The following KIRREL3 variants were observed in gnomAD, a reference collection of about 807,000 sequenced individuals.
The protein encoded by KIRREL3 is kirre like nephrin family adhesion molecule 3, also known as kin of IRRE-like protein 3.
KIRREL3 carries 36 observed loss-of-function variants against 89.7 expected under a neutral mutation model. The ratio of observed to expected loss-of-function variants is 0.40; its 90% confidence interval spans 0.31 to 0.53. The LOEUF (loss-of-function observed/expected upper bound fraction) is 0.53, where lower values mean the gene tolerates loss of function less well. KIRREL3 is among the 20% of genes least tolerant of loss of function. The probability of loss-of-function intolerance (pLI) is 0.49; values close to 1 mark genes in which losing one functional copy is unlikely to be tolerated. For missense variants in KIRREL3, 864 were observed against 1,056.6 expected (o/e 0.82, Z 2.53); for synonymous variants, 445 against 441.4 (o/e 1.01, Z -0.10).
At chr11:126,702,191 C>T (rs939167072) in intron 1 of KIRREL3, among the ~76,000 whole-genome samples, 4 of 152,138 alleles carry the variant, frequency 2.6e-5, no homozygotes, top group African/African-American at 4.8e-5. Context: ...ATTTGTAGAC[C>T]TGTTGTGAGA....
intron 1 of KIRREL3, among the ~76,000 whole-genome samples, chr11:126,672,823 G>T (rs535459542): frequency 6.6e-6 from 1 of 152,238 alleles, no homozygotes; most frequent in Admixed American, 6.5e-5. Context: ...ACTTGTTAAG[G>T]ACCTAAACTA....
At chr11:126,937,743 C>T (rs1214443236) in intron 1 of KIRREL3, among the ~76,000 whole-genome samples, 2 of 151,544 alleles carry the variant, frequency 1.3e-5, no homozygotes, top group East Asian at 1.9e-4. Context: ...ACTAAAAATA[C>T]AAAAAATCAG....
At chr11:126,746,588 C>T (rs920397013) in intron 1 of KIRREL3, among the ~76,000 whole-genome samples, 2 of 152,118 alleles carry the variant, frequency 1.3e-5, no homozygotes, top group Non-Finnish European at 1.5e-5. Flanking sequence ...CATTGCCAGC[C>T]ACCCAGTCAC....
In KIRREL3 at chr11:126,486,098, T is replaced by C. The variant is rs76001618; in HGVS notation, c.434-12632A>G. ...AGACAGACGTTTCATTAATAATGAG[T>C]AGGGATGTAAGTCTCAGGCTGTATG... On this transcript the variant is annotated intron_variant, in intron 4 of 16. Transcript: ENST00000525144. The surrounding 1 kb of genome is among the most constrained non-coding windows in gnomAD (Gnocchi z 6.2). Among the ~76,000 whole-genome samples the C allele has an allele frequency of 0.023, 3,479 of 151,962 alleles. 142 individuals carry two copies. Among genetic ancestry groups the C allele is most frequent in the African/African-American group, 0.075 (3,108 of 41,442 alleles).
rs563039573 is a variant in KIRREL3 at position 126,451,278 on chromosome 11, ATGTGTGCG to A, written c.849-2129_849-2122del. The stretch of plus-strand genomic sequence containing the variant: ...GTGCATTGCTTGTGTGTCCGTGTGC[ATGTGTGCG>A]TGTGTGCATGTGTGCATGTGTGTGC... On this transcript the variant is annotated intron_variant, in intron 7 of 16. Transcript: ENST00000525144. Among the ~76,000 whole-genome samples the A allele has an allele frequency of 1.8e-3, 206 of 117,392 alleles. 1 individual carries two copies. The highest frequency in any genetic ancestry group is 2.9e-3 in the Non-Finnish European group (161 of 56,450). 77.0% of individuals were successfully genotyped at this position (117,392 alleles called of 152,430 possible). A position where few individuals can be genotyped will look rare whatever the true frequency, so the allele number is the denominator to read the frequency against.
chr11:126,733,062 A>G (rs3862640), intron 1 of KIRREL3, among the ~76,000 whole-genome samples: 63,845 of 152,050 alleles, frequency 0.42, 14,781 homozygotes, highest in East Asian at 0.86. Flanking sequence ...TATTTTGAGC[A>G]TTTCACCTCT....
At chr11:126,548,310 T>A (rs1261527567) in intron 2 of KIRREL3, among the ~76,000 whole-genome samples, 2 of 152,168 alleles carry the variant, frequency 1.3e-5, no homozygotes, top group East Asian at 3.9e-4. Flanking sequence ...CAGGCCAACC[T>A]CCCATTGCCG....
At chr11:126,716,792 C>T (rs1003902701) in intron 1 of KIRREL3, among the ~76,000 whole-genome samples, 4 of 149,944 alleles carry the variant, frequency 2.7e-5, no homozygotes, top group African/African-American at 1.0e-4. Flanking sequence ...CTGATTCTTT[C>T]TAGCTGATTT....
At position 126,553,490 on chromosome 11, in the gene KIRREL3, G is replaced by T. The variant is rs146165597; in HGVS notation, c.133+9345C>A. On this transcript the variant is annotated intron_variant, in intron 2 of 16. Transcript: ENST00000525144. The surrounding 1 kb of genome is among the most constrained non-coding windows in gnomAD (Gnocchi z 4.7). ...AGAATAGCTCTTACTGGCATTATGT[G>T]CCTGAGAGGGTGCAAAGGGAACATG... Among the ~76,000 whole-genome samples the T allele has an allele frequency of 6.4e-3, 969 of 152,292 alleles. 16 individuals carry two copies. Among genetic ancestry groups the T allele is most frequent in the African/African-American group, 0.022 (921 of 41,546 alleles).
At chr11:126,921,893 C>CCTAT (rs373205023) in intron 1 of KIRREL3, among the ~76,000 whole-genome samples, 20 of 148,444 alleles carry the variant, frequency 1.3e-4, no homozygotes, top group Admixed American at 1.1e-3. Flanking sequence ...CATCTATCTC[C>CCTAT]CTATCTATCT....
intron 4 of KIRREL3, among the ~76,000 whole-genome samples, chr11:126,510,462 TTCCTTCC>T (rs869087518): frequency 4.0e-5 from 6 of 150,818 alleles, no homozygotes; most frequent in African/African-American, 1.5e-4. Flanking sequence ...CCTTCCTTCC[TTCCTTCC>T]TTTTTTTTGA....
chr11:126,608,937 G>A lies in KIRREL3; in HGVS notation c.56-46025C>T, dbSNP rs672609. Among the ~76,000 whole-genome samples the A allele has an allele frequency of 0.24, 36,665 of 152,160 alleles. 4,648 individuals are homozygous for A. Among genetic ancestry groups the A allele is most frequent in the East Asian group, 0.42 (2,151 of 5,168 alleles). On this transcript the variant is annotated intron_variant, in intron 1 of 16. Coordinates refer to ENST00000525144, the MANE Select transcript of KIRREL3 (RefSeq NM_032531.4). The surrounding 1 kb of genome is among the most constrained non-coding windows in gnomAD (Gnocchi z 4.9). ...GCTTGCTGTTAGCCCTGAGAAACAA[G>A]TGACTTCCTGTGGGTCAGAGTACAG...
At chr11:126,914,816 T>C (rs1241199751) in intron 1 of KIRREL3, among the ~76,000 whole-genome samples, 1 of 152,252 alleles carries the variant, frequency 6.6e-6, no homozygotes, top group Admixed American at 6.5e-5. Context: ...TTATGACAGC[T>C]TGGAAATTTA....
Position 126,970,997 on chromosome 11 carries a change from T to C in KIRREL3, c.55+29458A>G, listed in dbSNP as rs1322974395. On this transcript the variant is annotated intron_variant, in intron 1 of 16. Coordinates refer to ENST00000525144, the MANE Select transcript of KIRREL3 (RefSeq NM_032531.4). The surrounding 1 kb of genome is among the most constrained non-coding windows in gnomAD (Gnocchi z 4.4). Reference sequence around the variant, plus strand: ...GCACAGGTAGTTTTAGGATTTAACATGTTTAGTAAACATTGCTTTTCCATT... The same window carrying C: ...GCACAGGTAGTTTTAGGATTTAACACGTTTAGTAAACATTGCTTTTCCATT... Among the ~76,000 whole-genome samples, 1 of 152,226 alleles carries C rather than the reference T, an allele frequency of 6.6e-6. No homozygotes were observed. The highest frequency in any genetic ancestry group is 1.5e-5 in the Non-Finnish European group (1 of 68,036).
Position 126,489,243 on chromosome 11 carries a change from C to T in KIRREL3, c.434-15777G>A, listed in dbSNP as rs1957446769. On this transcript the variant is annotated intron_variant, in intron 4 of 16. Coordinates refer to ENST00000525144, the MANE Select transcript of KIRREL3 (RefSeq NM_032531.4). This position sits in a 1 kb window ranked among gnomAD's most constrained non-coding sequence, Gnocchi z 5.5. ...GCTGGCTGGACCCGGGTGCCTGGCT[C>T]GATGGGAGCTTCCTAAGGGAAGCAG... Among the ~76,000 whole-genome samples, 1 of 152,120 alleles carries T rather than the reference C, an allele frequency of 6.6e-6. No individual in the cohort carries two copies. Among genetic ancestry groups the T allele is most frequent in the African/African-American group, 2.4e-5 (1 of 41,428 alleles).
chr11:126,964,962 C>A (rs957261847), intron 1 of KIRREL3, among the ~76,000 whole-genome samples: 7 of 152,156 alleles, frequency 4.6e-5, no homozygotes, highest in Admixed American at 4.6e-4. Context: ...TAATACTAAG[C>A]ACTTCATGTT....
rs868604021 is a variant in KIRREL3, at chr11:126,869,077, G to A, written c.55+131378C>T. ...GGTTTCAACATATGAATTTTGAGGGGACATAAACATTCAGTCCATTGTATC... is the reference window on the plus strand; with the variant it reads ...GGTTTCAACATATGAATTTTGAGGGAACATAAACATTCAGTCCATTGTATC... On this transcript the variant is annotated intron_variant, in intron 1 of 16. Coordinates refer to ENST00000525144, the MANE Select transcript of KIRREL3 (RefSeq NM_032531.4). Among the ~76,000 whole-genome samples the A allele has an allele frequency of 1.7e-4, 26 of 151,738 alleles. 1 individual carries two copies. Among genetic ancestry groups the A allele is most frequent in the South Asian group, 2.1e-4 (1 of 4,786 alleles).
Position 126,508,513 on chromosome 11 carries a change from C to T in KIRREL3, c.433+12802G>A, listed in dbSNP as rs1001328450. 1.3e-5 allele frequency among the ~76,000 whole-genome samples: 2 copies of T among 152,222 alleles called. No homozygotes were observed. The highest frequency in any genetic ancestry group is 4.8e-5 in the African/African-American group (2 of 41,526). On this transcript the variant is annotated intron_variant, in intron 4 of 16. Transcript: ENST00000525144. The surrounding 1 kb of genome is among the most constrained non-coding windows in gnomAD (Gnocchi z 4.9). ...CTTGGGTTTGCTCTTCGAGCCGACTCCCCGATTCCATGAGCCCTGGGATGG... is the reference window on the plus strand; with the variant it reads ...CTTGGGTTTGCTCTTCGAGCCGACTTCCCGATTCCATGAGCCCTGGGATGG...
In KIRREL3 at chr11:126,425,029, T is replaced by C. The variant is rs368887480; in HGVS notation, c.1894-6A>G. 2.4e-4 allele frequency: 368 copies of C among 1,518,548 alleles called. No homozygotes were observed. The highest frequency in any genetic ancestry group is 1.8e-4 in the Middle Eastern group (1 of 5,638). The allele number at this position is 1,518,548 out of a possible 1,614,324, so 94.1% of individuals were successfully genotyped here. Reference sequence around the variant, plus strand: ...TAGTAGCCATTGGTGGGGTCCTGGATGGGCGAGAGGAAGAGGAGCGTCACC... The same window carrying C: ...TAGTAGCCATTGGTGGGGTCCTGGACGGGCGAGAGGAAGAGGAGCGTCACC... On this transcript the variant is annotated splice_polypyrimidine_tract_variant and splice_region_variant and intron_variant, in intron 16 of 16. Coordinates refer to ENST00000525144, the MANE Select transcript of KIRREL3 (RefSeq NM_032531.4).
Sources: gnomAD v4.1 joint callset for allele counts (sites outside exome capture counted in the v4.1 genomes callset) on GRCh38, gnomAD v4.1.1 for gene constraint, Gnocchi (gnomAD v3.1) non-coding constraint, MANE v1.5 for transcripts, NCBI Gene and HGNC (gene_info 2026-07-23, HGNC 2026-07-21) for gene names.